ABCA1: variants seen among roughly 807,000 people sequenced by gnomAD.
The protein encoded by ABCA1 is phospholipid-transporting ATPase ABCA1.
A neutral mutation model predicts 262.5 loss-of-function variants in ABCA1; 133 were observed. The ratio of observed to expected loss-of-function variants is 0.51; its 90% CI spans 0.44 to 0.59. The LOEUF is 0.59. Among genes scored for constraint, ABCA1 ranks in the 20% least tolerant of loss-of-function variants. The probability of loss-of-function intolerance (pLI) is 0.00; values close to 1 mark genes in which losing one functional copy is unlikely to be tolerated. For synonymous variants in ABCA1, 1,022 were observed against 1,043.5 expected, an observed-to-expected ratio of 0.98 and a Z score of 0.40; for missense variants, 2,452 against 2,777.5, an observed-to-expected ratio of 0.88 and a Z score of 2.63.
chr9:104,917,221 A>C (rs1164750207), intron 1 of ABCA1, among the ~76,000 whole-genome samples: 1 of 152,218 alleles, frequency 6.6e-6, no homozygotes, highest in Non-Finnish European at 1.5e-5. Context: ...ATATGGAACC[A>C]TGAACAAGTT....
In ABCA1 at chr9:104,800,088, T is replaced by G; in HGVS notation, c.4774-100A>C. 2.2e-6 allele frequency: 3 copies of G among 1,344,758 alleles called. No homozygotes were observed. In the East Asian group the frequency reaches 6.9e-5, roughly 31 times the overall value. The allele number at this position is 1,344,758 out of a possible 1,614,324, so 83.3% of individuals were successfully genotyped here. A position where few individuals can be genotyped will look rare whatever the true frequency, so the allele number is the denominator to read the frequency against. On this transcript the variant is annotated intron_variant, in intron 35 of 49. Coordinates refer to ENST00000374736, the MANE Select transcript of ABCA1 (RefSeq NM_005502.4). ...CATGCCCATAAACCTCAGAAAGAAA[T>G]TCTAGTCACATACCAAGGCAAAACA...
At chr9:104,908,953 A>G (rs905765949) in intron 1 of ABCA1, among the ~76,000 whole-genome samples, 7 of 152,186 alleles carry the variant, frequency 4.6e-5, no homozygotes, top group African/African-American at 1.7e-4. Context: ...GTCAAAACTC[A>G]TCATACTTTT....
intron 30 of ABCA1, among the ~76,000 whole-genome samples, chr9:104,808,303 C>T (rs1012835175): frequency 1.3e-5 from 2 of 152,224 alleles, no homozygotes; most frequent in African/African-American, 4.8e-5. Flanking sequence ...CTGGCTCCTA[C>T]AGAGCCTTCC....
intron 17 of ABCA1, among the ~76,000 whole-genome samples, chr9:104,825,198 C>T (rs1211981739): frequency 6.6e-6 from 1 of 152,196 alleles, no homozygotes. Flanking sequence ...ACTCAGGAAA[C>T]AGAACCTCTC....
chr9:104,803,438 A>C, intron 32 of ABCA1, 122 bp from the exon 33 acceptor site: 1 of 1,033,318 alleles, frequency 9.7e-7, no homozygotes, highest in Non-Finnish European at 1.5e-6. Context: ...CCCTAGAATC[A>C]GCTGGCCTTG....
chr9:104,795,260 A>T (rs760939627), intron 39 of ABCA1, among the ~76,000 whole-genome samples: 2 of 152,206 alleles, frequency 1.3e-5, no homozygotes, highest in Non-Finnish European at 2.9e-5. Context: ...TGGTGGTTGG[A>T]GGCAACTCAT....
At chr9:104,845,412 C>A in intron 8 of ABCA1, 65 bp downstream of exon 8, 1 of 1,189,206 alleles carries the variant, frequency 8.4e-7, no homozygotes, top group South Asian at 1.2e-5. Context: ...TCTTGCCAGA[C>A]TCAGGAATGA....
rs778400988 is a variant in ABCA1 at position 104,787,972 on chromosome 9, C to T, written c.6152G>A (p.Arg2051His). ...YAGNYSGGNK[R>H]KLSTAMALIG... ...CAAAGCCATGGCTGTAGAGAGCTTG[C>T]GTTTGTTGCCTCCACTATAGTTACC... The change falls in exon 46 of 50, where the codon CGC becomes CAC. Residue 2051 changes from arginine to histidine, a missense_variant. Around this residue, in one of 4 missense-constraint regions of ABCA1, gnomAD observed 752 missense variants for 944.5 expected, o/e 0.80. Transcript: ENST00000374736. The T allele has an allele frequency of 6.8e-6, 11 of 1,614,068 alleles. No homozygotes were observed. The highest frequency in any genetic ancestry group is 1.1e-5 in the South Asian group (1 of 91,092).
At chr9:104,816,742 G>T (rs1254272690) in intron 24 of ABCA1, among the ~76,000 whole-genome samples, 2 of 152,058 alleles carry the variant, frequency 1.3e-5, no homozygotes, top group Admixed American at 6.6e-5. Flanking sequence ...TTGAGTAAAG[G>T]AATCTTAAAA....
intron 26 of ABCA1, 62 bp from the exon 27 acceptor site, chr9:104,814,293 A>G (rs1174294060): frequency 6.3e-7 from 1 of 1,578,782 alleles, no homozygotes; most frequent in Admixed American, 1.7e-5. Flanking sequence ...AACCTTCCCC[A>G]TCTGCAACAA....
At chr9:104,822,376 C>T (rs983971552) in intron 19 of ABCA1, 120 bp downstream of exon 19, 15 of 1,325,576 alleles carry the variant, frequency 1.1e-5, no homozygotes, top group Non-Finnish European at 1.6e-5. Flanking sequence ...CATTCGGCAA[C>T]TCCTCATGTG....
chr9:104,809,251 G>C (rs1007638003), intron 30 of ABCA1, among the ~76,000 whole-genome samples: 2 of 151,964 alleles, frequency 1.3e-5, no homozygotes, highest in Non-Finnish European at 2.9e-5. Flanking sequence ...CTGTAATGAC[G>C]TGCTTTGCAC....
chr9:104,882,155 C>T (rs1409189309), intron 5 of ABCA1, among the ~76,000 whole-genome samples: 3 of 151,734 alleles, frequency 2.0e-5, no homozygotes, highest in Non-Finnish European at 4.4e-5. Flanking sequence ...GGCCAGCCAA[C>T]TCCATCCCTC....
intron 7 of ABCA1, among the ~76,000 whole-genome samples, chr9:104,850,836 T>C (rs796702379): frequency 5.3e-5 from 8 of 152,310 alleles, no homozygotes; most frequent in African/African-American, 1.9e-4. Flanking sequence ...TGAACTCACA[T>C]AGGTCTCCAT....
intron 3 of ABCA1, among the ~76,000 whole-genome samples, chr9:104,888,860 T>TA: frequency 6.6e-6 from 1 of 152,344 alleles, no homozygotes; most frequent in South Asian, 2.1e-4. Flanking sequence ...TTTCATGATT[T>TA]AAAATGTGTA....
At chr9:104,818,585 G>T in intron 23 of ABCA1, 78 bp downstream of exon 23, 1 of 1,356,352 alleles carries the variant, frequency 7.4e-7, no homozygotes, top group Non-Finnish European at 1.1e-6. Context: ...AAGGGGTGGA[G>T]ATGGAGAAAT....
At chr9:104,846,846 G>A (rs75072297) in intron 7 of ABCA1, among the ~76,000 whole-genome samples, 266 of 152,256 alleles carry the variant, frequency 1.7e-3, no homozygotes, top group Non-Finnish European at 3.0e-3. Flanking sequence ...GTTCATGATT[G>A]TTCCTTCCAT....
intron 19 of ABCA1, 37 bp downstream of exon 19, chr9:104,822,459 T>A (rs1404796419): frequency 5.6e-6 from 9 of 1,611,620 alleles, no homozygotes; most frequent in Non-Finnish European, 7.6e-6. Flanking sequence ...AGAACCCTCC[T>A]GTGGCTGATT....
intron 1 of ABCA1, among the ~76,000 whole-genome samples, chr9:104,909,344 T>A (rs977975009): frequency 6.6e-6 from 1 of 151,966 alleles, no homozygotes; most frequent in Non-Finnish European, 1.5e-5. Flanking sequence ...CAAATAATAG[T>A]GGGTTGTTCA....
Sources: gnomAD v4.1 joint callset for allele counts (sites outside exome capture counted in the v4.1 genomes callset) on GRCh38, gnomAD v4.1.1 for gene constraint, gnomAD v4.1.1 regional missense constraint, MANE v1.5 for transcripts, NCBI Gene and HGNC (gene_info 2026-07-23, HGNC 2026-07-21) for gene names.